ANKRD17: variants seen among roughly 807,000 people sequenced by gnomAD.
ANKRD17 encodes ankyrin repeat domain-containing protein 17.
Under a neutral mutation model 229.7 loss-of-function variants are expected in ANKRD17, and 19 were observed. That is an observed-to-expected ratio of 0.08 (90% confidence interval 0.06 to 0.12). The LOEUF (loss-of-function observed/expected upper bound fraction) is 0.12, where lower values mean the gene tolerates loss of function less well. Ranked by LOEUF, ANKRD17 falls within the 10% of genes least tolerant of loss-of-function variation. The pLI is 1.00. For missense variants in ANKRD17, 2,176 were observed against 3,176.8 expected (o/e 0.68, Z 7.57); for synonymous variants, 1,112 against 1,146.1 (o/e 0.97, Z 0.60).
At chr4:73,222,212 A>G (rs1441971566) in intron 1 of ANKRD17, among the ~76,000 whole-genome samples, 2 of 152,188 alleles carry the variant, frequency 1.3e-5, no homozygotes, top group African/African-American at 4.8e-5. Flanking sequence ...ACCTATAAAT[A>G]CAAATTTCTA....
intron 1 of ANKRD17, among the ~76,000 whole-genome samples, chr4:73,192,149 C>T (rs1220887339): frequency 6.6e-6 from 1 of 151,998 alleles, no homozygotes; most frequent in Non-Finnish European, 1.5e-5. Flanking sequence ...AGTGACATTT[C>T]CCCCCAATTT....
chr4:73,227,457 C>A (rs1241595964), intron 1 of ANKRD17, among the ~76,000 whole-genome samples: 1 of 152,050 alleles, frequency 6.6e-6, no homozygotes, highest in Admixed American at 6.6e-5. Flanking sequence ...CCAGCCTCAA[C>A]CTAATTTTAT....
chr4:73,084,909 T>C (rs1721960714), intron 30 of ANKRD17, among the ~76,000 whole-genome samples: 1 of 151,836 alleles, frequency 6.6e-6, no homozygotes, highest in African/African-American at 2.4e-5. Flanking sequence ...TCAGGACAGG[T>C]GTGGTGGCTC....
At chr4:73,236,028 T>A (rs1047708790) in intron 1 of ANKRD17, among the ~76,000 whole-genome samples, 1 of 151,818 alleles carries the variant, frequency 6.6e-6, no homozygotes, top group Non-Finnish European at 1.5e-5. Flanking sequence ...TCTAGCAAAT[T>A]ATTATTTTTT....
chr4:73,220,129 T>C (rs1290623579), intron 1 of ANKRD17, among the ~76,000 whole-genome samples: 1 of 152,160 alleles, frequency 6.6e-6, no homozygotes, highest in Non-Finnish European at 1.5e-5. Flanking sequence ...TCATTCTAAG[T>C]AGTACAATCT....
At chr4:73,105,403 A>ATG (rs1336756064) in intron 24 of ANKRD17, among the ~76,000 whole-genome samples, 1 of 151,438 alleles carries the variant, frequency 6.6e-6, no homozygotes, top group Non-Finnish European at 1.5e-5. Context: ...GTTTATGTAT[A>ATG]TGTGTGTGTG....
intron 3 of ANKRD17, 80 bp downstream of exon 3, chr4:73,161,111 TA>T (rs142868245): frequency 2.6e-6 from 4 of 1,523,640 alleles, no homozygotes; most frequent in Non-Finnish European, 3.5e-6. Context: ...AGGCACAAAA[TA>T]AATGCTCAGT....
chr4:73,110,780 G>A (rs1725215300), intron 24 of ANKRD17, among the ~76,000 whole-genome samples: 2 of 152,060 alleles, frequency 1.3e-5, no homozygotes, highest in Admixed American at 1.3e-4. Context: ...TATGTTCCAC[G>A]TTCACTCAAA....
At chr4:73,197,041 C>T (rs1737981411) in intron 1 of ANKRD17, among the ~76,000 whole-genome samples, 1 of 152,078 alleles carries the variant, frequency 6.6e-6, no homozygotes, top group South Asian at 2.1e-4. Context: ...GTCTGCTAGT[C>T]ATTCAGAACC....
chr4:73,188,218 T>C (rs570778492), intron 1 of ANKRD17, among the ~76,000 whole-genome samples: 1 of 152,074 alleles, frequency 6.6e-6, no homozygotes, highest in African/African-American at 2.4e-5. Context: ...CTATTAACTC[T>C]CAGAATACAG....
chr4:73,118,597 G>T, intron 22 of ANKRD17, 91 bp downstream of exon 22: 1 of 1,417,358 alleles, frequency 7.1e-7, no homozygotes, highest in Non-Finnish European at 9.7e-7. Flanking sequence ...AGCTGCAAAA[G>T]CACAAAATGA....
chr4:73,175,827 A>G (rs540079627), intron 2 of ANKRD17, among the ~76,000 whole-genome samples: 4 of 152,240 alleles, frequency 2.6e-5, no homozygotes, highest in African/African-American at 9.6e-5. Flanking sequence ...CAAGACTTAA[A>G]CATAAGACCT....
chr4:73,252,033 C>T (rs1157337852), intron 1 of ANKRD17, among the ~76,000 whole-genome samples: 1 of 152,182 alleles, frequency 6.6e-6, no homozygotes, highest in Non-Finnish European at 1.5e-5. Flanking sequence ...ATAGCTGCAA[C>T]CAAGTTCTGT....
intron 1 of ANKRD17, among the ~76,000 whole-genome samples, chr4:73,234,154 A>G (rs909875821): frequency 6.6e-6 from 1 of 152,086 alleles, no homozygotes; most frequent in African/African-American, 2.4e-5. Context: ...GTTTTTCCAG[A>G]TTATTTTCTC....
chr4:73,135,774 G>C (rs1728820147), intron 15 of ANKRD17, among the ~76,000 whole-genome samples: 1 of 152,106 alleles, frequency 6.6e-6, no homozygotes, highest in Non-Finnish European at 1.5e-5. Context: ...TTTACTAACT[G>C]CAGACTGGGA....
intron 7 of ANKRD17, 52 bp downstream of exon 7, chr4:73,151,378 G>C: frequency 6.5e-7 from 1 of 1,539,858 alleles, no homozygotes; most frequent in South Asian, 1.1e-5. Context: ...ATACTACTCT[G>C]TCTCTCCCTG....
rs375210841 is a variant in ANKRD17 at position 73,151,043 on chromosome 4, T to A, written c.1329+387A>T. 8.5e-5 allele frequency among the ~76,000 whole-genome samples: 13 copies of A among 152,260 alleles called. No homozygotes were observed. The South Asian group carries it at 2.7e-3, about 32-fold the overall frequency. On this transcript the variant is annotated intron_variant, in intron 7 of 33. Transcript: ENST00000358602. ...TTTCTTTTTTTAACATTTTTTTAAA[T>A]AGAGAGGGGGTCTTGGTATGTTGGC...
chr4:73,243,274 GA>G (rs1432041680), intron 1 of ANKRD17, among the ~76,000 whole-genome samples: 2 of 152,190 alleles, frequency 1.3e-5, no homozygotes, highest in African/African-American at 4.8e-5. Context: ...TGACATTTCA[GA>G]AAGATTAGCC....
rs1177605174 is a variant in ANKRD17 at position 73,102,271 on chromosome 4, G to A, written c.4573+105C>T. The A allele has an allele frequency of 3.3e-6, 4 of 1,221,352 alleles. No individual in the cohort carries two copies. In the Admixed American group the frequency reaches 1.1e-4, roughly 34 times the overall value. 75.7% of individuals were successfully genotyped at this position (1,221,352 alleles called of 1,614,324 possible). ...AGCCACTGTGCCTGGCCTATGTTAA[G>A]GGGTTAATAACTTGAAAGCATATTT... On this transcript the variant is annotated intron_variant, in intron 25 of 33. Transcript: ENST00000358602.
Sources: gnomAD v4.1 joint callset for allele counts (sites outside exome capture counted in the v4.1 genomes callset) on GRCh38, gnomAD v4.1.1 for gene constraint, MANE v1.5 for transcripts, NCBI Gene and HGNC (gene_info 2026-07-23, HGNC 2026-07-21) for gene names.